Variants in NXF1 observed in about 807,000 individuals in gnomAD.
The protein encoded by NXF1 is nuclear RNA export factor 1.
A neutral mutation model predicts 92.4 loss-of-function variants in NXF1; 43 were observed. The ratio of observed to expected loss-of-function variants is 0.47; its 90% CI spans 0.36 to 0.60. The LOEUF (loss-of-function observed/expected upper bound fraction) is 0.60. Among genes scored for constraint, NXF1 ranks in the 20% least tolerant of loss-of-function variants. The pLI is 0.00. For missense variants in NXF1, 576 were observed against 793.0 expected (o/e 0.73, Z 3.29); for synonymous variants, 288 against 292.2 (o/e 0.99, Z 0.15).
At chr11:62,797,005 T>C (rs2084427618) in intron 13 of NXF1, 178 bp downstream of exon 13, 1 of 612,994 alleles carries the variant, frequency 1.6e-6, no homozygotes, top group Non-Finnish European at 2.8e-6. Context: ...GAGGCAGAGG[T>C]TGCAGTGAGC....
chr11:62,800,100 G>C, intron 10 of NXF1: 2 of 1,305,312 alleles, frequency 1.5e-6, no homozygotes, highest in Non-Finnish European at 2.0e-6. Context: ...TGGAACAACA[G>C]GGTAGGGAGA....
chr11:62,792,679 C>T lies in NXF1; in HGVS notation c.1783G>A (p.Asp595Asn). The T allele has an allele frequency of 1.9e-6, 3 of 1,614,162 alleles. No individual in the cohort carries two copies. In the South Asian group the frequency reaches 3.3e-5, roughly 18 times the overall value. Residue 595 changes from aspartate (D) to asparagine (N), a missense_variant, in exon 20 of 21, where the codon GAC (aspartate) becomes AAC (asparagine). By Grantham distance (23) the Asp-to-Asn change is conservative. Coordinates refer to ENST00000294172, the MANE Select transcript of NXF1 (RefSeq NM_006362.5). ...SQKCLQDNNW[D>N]YTRSAQAFTH... ...AAGGCCTGGGCAGATCTGGTGTAGT[C>T]CCAGTTGTTGTCCTGAAGGCACCTG... is the stretch of plus-strand genomic sequence containing the variant.
Position 62,792,333 on chromosome 11 carries a change from G to C in NXF1, c.*143C>G. ...TGAAGTCTTCCAGAAGGCAGGCGAG[G>C]AGAGGGATCAGGCAGCCCTCCCTCC... On this transcript the variant is annotated 3_prime_UTR_variant, in exon 21 of 21. Coordinates refer to ENST00000294172, the MANE Select transcript of NXF1 (RefSeq NM_006362.5). 1 of 983,430 alleles carries C rather than the reference G, an allele frequency of 1.0e-6. No homozygotes were observed. Among genetic ancestry groups the C allele is most frequent in the Non-Finnish European group, 1.6e-6 (1 of 621,182 alleles). The allele number at this position is 983,430 out of a possible 1,614,324, so 60.9% of individuals were successfully genotyped here.
At chr11:62,800,264 T>G (rs1422196522) in intron 10 of NXF1, 113 bp downstream of exon 10, 1 of 1,538,190 alleles carries the variant, frequency 6.5e-7, no homozygotes, top group Non-Finnish European at 8.8e-7. Context: ...AAAGGACAGG[T>G]GGTTCCAGCT....
intron 10 of NXF1, 116 bp from the exon 11 acceptor site, chr11:62,798,691 C>A: frequency 6.5e-7 from 1 of 1,540,076 alleles, no homozygotes; most frequent in Non-Finnish European, 8.7e-7. Flanking sequence ...GCTCATCCCT[C>A]CACTCCCTCC....
Position 62,792,334 on chromosome 11 carries a change from A to T in NXF1, c.*142T>A. 1 of 980,996 alleles carries T rather than the reference A, an allele frequency of 1.0e-6. No homozygotes were observed. Among genetic ancestry groups the T allele is most frequent in the East Asian group, 2.4e-5 (1 of 41,860 alleles). The allele number at this position is 980,996 out of a possible 1,614,324, so 60.8% of individuals were successfully genotyped here. A position where few individuals can be genotyped will look rare whatever the true frequency, so the allele number is the denominator to read the frequency against. On this transcript the variant is annotated 3_prime_UTR_variant, in exon 21 of 21. Transcript: ENST00000294172. ...GAAGTCTTCCAGAAGGCAGGCGAGG[A>T]GAGGGATCAGGCAGCCCTCCCTCCC...
At chr11:62,805,252 CG>C in intron 1 of NXF1, 76 bp downstream of exon 1, 2 of 1,474,856 alleles carry the variant, frequency 1.4e-6, no homozygotes, top group Non-Finnish European at 9.1e-7. Flanking sequence ...CCTCACGCCC[CG>C]GGGGCTGAGG....
At position 62,794,328 on chromosome 11, in the gene NXF1, A is replaced by T; in HGVS notation, c.1690T>A (p.Ser564Thr). The T allele has an allele frequency of 6.2e-7, 1 of 1,614,104 alleles. No homozygotes were observed. The highest frequency in any genetic ancestry group is 8.5e-7 in the Non-Finnish European group (1 of 1,180,022). The change falls in exon 19 of 21, where the codon TCT (serine) becomes ACT (threonine). Residue 564 changes from serine (S) to threonine (T), a missense_variant. By Grantham distance (58) the Ser-to-Thr change is moderately conservative (BLOSUM62 1). Around this residue, in one of 2 missense-constraint regions of NXF1, gnomAD observed 425 missense variants for 635.2 expected, o/e 0.67. Transcript: ENST00000294172. ...TPSSSPVPTL[S>T]PEQQEMLQAF... ...TGCAACATTTCCTGCTGCTCTGGAG[A>T]GAGGGTGGGCACCGGGCTGGAGGAA... is the stretch of plus-strand genomic sequence containing the variant.
At position 62,792,140 on chromosome 11, in the gene NXF1, C is replaced by CTCTT. The variant is rs1453805405; in HGVS notation, c.*332_*335dup. 4 of 692,462 alleles carry CTCTT rather than the reference C, an allele frequency of 5.8e-6. No homozygotes were observed. The highest frequency in any genetic ancestry group is 1.9e-5 in the South Asian group (1 of 51,912). 42.9% of individuals were successfully genotyped at this position (692,462 alleles called of 1,614,324 possible). On this transcript the variant is annotated 3_prime_UTR_variant, in exon 21 of 21. Coordinates refer to ENST00000294172, the MANE Select transcript of NXF1 (RefSeq NM_006362.5). ...ACGCAGAACACGAAATACAACATCA[C>CTCTT]TCTTTATATTAAAAAGTGCAGAACA...
rs776109645 is a variant in NXF1 at position 62,801,319 on chromosome 11, A to G, written c.798+10T>C. The G allele has an allele frequency of 1.5e-5, 25 of 1,613,826 alleles. 1 individual carries two copies. The South Asian group carries it at 2.6e-4, about 17-fold the overall frequency. On this transcript the variant is annotated intron_variant, in intron 8 of 20. Transcript: ENST00000294172. ...CTTCCTCATGCCTAATACTGGGCCA[A>G]AGGCCTTACCTCAGGGATGTTCTCT...
At chr11:62,804,218 TAGAG>T (rs770637882) in intron 1 of NXF1, 4 of 1,490,430 alleles carry the variant, frequency 2.7e-6, no homozygotes, top group Middle Eastern at 1.7e-4. Flanking sequence ...AAACTGGAAT[TAGAG>T]AGAAGCAGGA....
chr11:62,794,485 A>C (rs1327366725), intron 18 of NXF1, 45 bp from the exon 19 acceptor site: 4 of 1,525,370 alleles, frequency 2.6e-6, no homozygotes, highest in African/African-American at 1.4e-5. Context: ...AGATAACATC[A>C]TCCTCCCAAC....
intron 13 of NXF1, 67 bp downstream of exon 13, chr11:62,797,116 G>T: frequency 2.0e-5 from 24 of 1,212,272 alleles, no homozygotes; most frequent in Non-Finnish European, 2.7e-5. Context: ...AGATTGATGT[G>T]TGCCTGGGTC....
At position 62,805,414 on chromosome 11, in the gene NXF1, T is replaced by C. The variant is rs369611028; in HGVS notation, c.-58A>G. 4.7e-4 allele frequency: 761 copies of C among 1,604,982 alleles called. 5 individuals carry two copies. In the African/African-American group the frequency reaches 9.2e-3, roughly 19 times the overall value. ...CTGGCCGCTACGCCGGCAAACAACC[T>C]AACTCCCAAGCGCTCAGGACCGAAG... On this transcript the variant is annotated 5_prime_UTR_variant, in exon 1 of 21. Coordinates refer to ENST00000294172, the MANE Select transcript of NXF1 (RefSeq NM_006362.5).
In NXF1 at chr11:62,792,637, T is replaced by A; in HGVS notation, c.1821+4A>T. 6.2e-7 allele frequency: 1 copy of A among 1,614,180 alleles called. No individual in the cohort carries two copies. The highest frequency in any genetic ancestry group is 8.5e-7 in the Non-Finnish European group (1 of 1,180,012). ...CTTTTTGCCACTGTATTTCCAGACC[T>A]TACCTTGAGATGAGTGAAGGCCTGG... On this transcript the variant is annotated splice_donor_region_variant and intron_variant, in intron 20 of 20. Transcript: ENST00000294172.
chr11:62,792,548 T>A (rs369512908), intron 20 of NXF1, 34 bp from the exon 21 acceptor site: 3 of 1,614,150 alleles, frequency 1.9e-6, no homozygotes, highest in Admixed American at 1.7e-5. Context: ...GAGGTAGGCC[T>A]ACCCTCGCCA....
chr11:62,796,015 G>A, intron 16 of NXF1, 51 bp downstream of exon 16: 2 of 1,600,318 alleles, frequency 1.2e-6, no homozygotes, highest in Non-Finnish European at 1.7e-6. Flanking sequence ...CCTATTAAAT[G>A]CCACCCCCAC....
At chr11:62,797,870 G>C (rs1411372331) in intron 11 of NXF1, among the ~76,000 whole-genome samples, 1 of 152,234 alleles carries the variant, frequency 6.6e-6, no homozygotes, top group East Asian at 1.9e-4. Flanking sequence ...GCTCACACCT[G>C]TAATCCCAGC....
Position 62,800,398 on chromosome 11 carries a change from C to G in NXF1, c.995G>C (p.Arg332Pro). 6.2e-7 allele frequency: 1 copy of G among 1,613,992 alleles called. No individual in the cohort carries two copies. The highest frequency in any genetic ancestry group is 1.1e-5 in the South Asian group (1 of 91,076). Residue 332 changes from arginine (R) to proline (P), a missense_variant, in exon 10 of 21, where the codon CGA becomes CCA. Transcript: ENST00000294172. ...TGACCTGATGTAGGTGGACTGGTCT[C>G]GGAAGGTGTCACACAGGGAGTTTCC... is the stretch of plus-strand genomic sequence containing the variant. ...LDGNSLCDTF[R>P]DQSTYISAIR...
Sources: gnomAD v4.1 joint callset for allele counts (sites outside exome capture counted in the v4.1 genomes callset) on GRCh38, gnomAD v4.1.1 for gene constraint, gnomAD v4.1.1 regional missense constraint, MANE v1.5 for transcripts, NCBI Gene and HGNC (gene_info 2026-07-23, HGNC 2026-07-21) for gene names.